GSDMC: variants seen among roughly 807,000 people sequenced by gnomAD.
GSDMC encodes gasdermin C.
Under a neutral mutation model 58.0 loss-of-function variants are expected in GSDMC, and 59 were observed. That is an observed-to-expected ratio of 1.02 (90% confidence interval 0.82 to 1.26). The LOEUF (loss-of-function observed/expected upper bound fraction) is 1.26. GSDMC is among the 50% of genes most tolerant of loss of function. The pLI, the probability that GSDMC is intolerant of heterozygous loss-of-function variation, is 0.00. For missense variants in GSDMC, 659 were observed against 598.5 expected (o/e 1.10, Z -1.06); for synonymous variants, 241 against 220.2 (o/e 1.09, Z -0.83).
At chr8:129,752,963 G>A in intron 6 of GSDMC, 143 bp from the exon 7 acceptor site, 8 of 1,384,724 alleles carry the variant, frequency 5.8e-6, no homozygotes, top group South Asian at 2.9e-5. Context: ...CACTCAAAGA[G>A]GAATTGCCCA....
chr8:129,754,744 C>A (rs1418858508), intron 6 of GSDMC, among the ~76,000 whole-genome samples: 6 of 152,052 alleles, frequency 3.9e-5, no homozygotes, highest in Non-Finnish European at 8.8e-5. Flanking sequence ...TTCTATCAGG[C>A]ACATTTAAAA....
the GSDMC span, among the ~76,000 whole-genome samples, chr8:129,726,431 G>C: frequency 2.6e-5 from 4 of 152,116 alleles, no homozygotes; most frequent in Admixed American, 2.6e-4. Context: ...AATTCAGTAG[G>C]TCCGGAAGCA....
At chr8:129,738,662 G>A in the GSDMC span, among the ~76,000 whole-genome samples, 1 of 152,104 alleles carries the variant, frequency 6.6e-6, no homozygotes, top group African/African-American at 2.4e-5. Context: ...TCGTGGGGTG[G>A]GGAGCAGGGG....
At chr8:129,709,761 T>G in the GSDMC span, among the ~76,000 whole-genome samples, 1 of 152,182 alleles carries the variant, frequency 6.6e-6, no homozygotes, top group African/African-American at 2.4e-5. Flanking sequence ...CATCATTACT[T>G]TCCAACCCCA....
intron 4 of GSDMC, among the ~76,000 whole-genome samples, chr8:129,764,689 C>T (rs1392101812): frequency 6.6e-6 from 1 of 152,142 alleles, no homozygotes; most frequent in African/African-American, 2.4e-5. Flanking sequence ...TATTACACAT[C>T]GTATGGCTGT....
rs2033627140 is a variant in GSDMC at position 129,760,710 on chromosome 8, C to G, written c.677-121G>C. 1.0e-5 allele frequency: 6 copies of G among 601,756 alleles called. No homozygotes were observed. The South Asian group carries it at 1.4e-4, about 14-fold the overall frequency. 37.3% of individuals were successfully genotyped at this position (601,756 alleles called of 1,614,324 possible). ...CTGTTAAATCTGACCACTGGCCTCA[C>G]TCTGTGCCTTCTGAATCACTTTGAA... On this transcript the variant is annotated intron_variant, in intron 5 of 13. Transcript: ENST00000276708.
intron 3 of GSDMC, among the ~76,000 whole-genome samples, chr8:129,769,525 A>G (rs893957881): frequency 6.6e-6 from 1 of 152,190 alleles, no homozygotes; most frequent in Admixed American, 6.5e-5. Context: ...GGTGAATGTC[A>G]TCTCATGGAA....
intron 1 of GSDMC, among the ~76,000 whole-genome samples, chr8:129,781,433 A>G (rs2034404873): frequency 6.6e-6 from 1 of 152,156 alleles, no homozygotes; most frequent in African/African-American, 2.4e-5. Flanking sequence ...AAAGAGATAG[A>G]CCCCAATGCA....
At chr8:129,750,687 G>A in intron 10 of GSDMC, 117 bp from the exon 11 acceptor site, 3 of 999,846 alleles carry the variant, frequency 3.0e-6, no homozygotes, top group Non-Finnish European at 4.5e-6. Context: ...CCTTTCAGCT[G>A]CTAACCAAAA....
chr8:129,715,484 T>G, the GSDMC span, among the ~76,000 whole-genome samples: 1 of 151,962 alleles, frequency 6.6e-6, no homozygotes, highest in African/African-American at 2.4e-5. Flanking sequence ...TTTGATGAAA[T>G]CAGTAAACCC....
rs1273257796 is a variant in GSDMC, at chr8:129,765,787, C to T, written c.411G>A (p.Leu137=). 1.2e-6 allele frequency: 2 copies of T among 1,613,268 alleles called. No individual in the cohort carries two copies. The highest frequency in any genetic ancestry group is 1.1e-5 in the South Asian group (1 of 90,998). The change falls in exon 4 of 14, where the codon CTG becomes CTA. Residue 137 remains leucine (L), a synonymous_variant. Coordinates refer to ENST00000276708, the MANE Select transcript of GSDMC (RefSeq NM_031415.3). ...TCAGAAATGATGGCTCTGGATCCAACAGTTTCCTGGGGATTTAAGGAAGGA... is the reference window on the plus strand; with the variant it reads ...TCAGAAATGATGGCTCTGGATCCAATAGTTTCCTGGGGATTTAAGGAAGGA... ...PNLEDFQKRK[L]LDPEPSFLKE... is the part of the protein sequence containing the mutation.
the GSDMC span, among the ~76,000 whole-genome samples, chr8:129,725,438 C>T: frequency 5.9e-5 from 9 of 152,190 alleles, no homozygotes; most frequent in Non-Finnish European, 1.2e-4. Context: ...AGAAAAGTGG[C>T]ATGTGGCCTG....
At chr8:129,713,510 T>A in the GSDMC span, among the ~76,000 whole-genome samples, 131 of 152,262 alleles carry the variant, frequency 8.6e-4, no homozygotes, top group African/African-American at 3.0e-3. Context: ...TGGTGAGACT[T>A]TTAAAAGCCT....
chr8:129,763,884 A>G (rs1014979925), intron 4 of GSDMC, among the ~76,000 whole-genome samples: 1 of 151,972 alleles, frequency 6.6e-6, no homozygotes, highest in Non-Finnish European at 1.5e-5. Context: ...CTAGCCTCCA[A>G]ATTTTTTTAA....
the GSDMC span, among the ~76,000 whole-genome samples, chr8:129,733,061 G>A: frequency 6.6e-6 from 1 of 152,250 alleles, no homozygotes; most frequent in Non-Finnish European, 1.5e-5. Flanking sequence ...CTCACTGCTA[G>A]CGCAGCAATC....
the GSDMC span, chr8:129,729,249 G>C: frequency 3.2e-6 from 2 of 632,250 alleles, no homozygotes; most frequent in African/African-American, 3.6e-5. Context: ...GAAATAGGTG[G>C]ACTTAGACAT....
chr8:129,784,761 G>GAAA (rs879399437), intron 1 of GSDMC, among the ~76,000 whole-genome samples: 36 of 152,276 alleles, frequency 2.4e-4, no homozygotes, highest in Admixed American at 1.6e-3. Flanking sequence ...CCAAAAGAAA[G>GAAA]AAAACCAGTA....
chr8:129,752,059 T>A, intron 8 of GSDMC, 47 bp downstream of exon 8: 4 of 1,580,398 alleles, frequency 2.5e-6, no homozygotes, highest in Non-Finnish European at 3.5e-6. Context: ...CAGGTGGTTT[T>A]TTGTTGTGCA....
Position 129,749,476 on chromosome 8 carries a change from C to A in GSDMC, c.1263G>T (p.Arg421Ser). 6.2e-7 allele frequency: 1 copy of A among 1,613,824 alleles called. No individual in the cohort carries two copies. The highest frequency in any genetic ancestry group is 8.5e-7 in the Non-Finnish European group (1 of 1,179,736). The change falls in exon 13 of 14, where the codon AGG becomes AGT. Residue 421 changes from arginine to serine, a missense_variant. By Grantham distance (110) the Arg-to-Ser change is moderately radical. Coordinates refer to ENST00000276708, the MANE Select transcript of GSDMC (RefSeq NM_031415.3). ...HDLLACSMEKRILLQQQELVR... is the reference protein window; with the variant it reads ...HDLLACSMEKSILLQQQELVR... Reference sequence around the variant, plus strand: ...CCAGCTCCTGTTGCTGAAGCAGGATCCTCTTCTCCATGGAACAGGCCAGCA... The same window carrying A: ...CCAGCTCCTGTTGCTGAAGCAGGATACTCTTCTCCATGGAACAGGCCAGCA...
Sources: gnomAD v4.1 joint callset for allele counts (sites outside exome capture counted in the v4.1 genomes callset) on GRCh38, gnomAD v4.1.1 for gene constraint, MANE v1.5 for transcripts, NCBI Gene and HGNC (gene_info 2026-07-23, HGNC 2026-07-21) for gene names.